CPQ: variants seen among roughly 807,000 people sequenced by gnomAD.
CPQ encodes the protein carboxypeptidase Q.
Under a neutral mutation model 45.7 loss-of-function variants are expected in CPQ, and 37 were observed. The observed-to-expected ratio is 0.81, with a 90% CI of 0.62 to 1.07. CPQ has a LOEUF of 1.07. CPQ is among the 50% of genes least tolerant of loss of function. The pLI, the probability that CPQ is intolerant of heterozygous loss-of-function variation, is 0.00. For synonymous variants in CPQ, 186 were observed against 205.8 expected, an observed-to-expected ratio of 0.90 and a Z score of 0.82; for missense variants, 537 against 572.9, an observed-to-expected ratio of 0.94 and a Z score of 0.64.
chr8:96,852,550 C>T (rs892409736), intron 3 of CPQ, among the ~76,000 whole-genome samples: 1 of 152,180 alleles, frequency 6.6e-6, no homozygotes, highest in Non-Finnish European at 1.5e-5. Context: ...CCATCTCGCC[C>T]TCTTCCTTGC....
At position 96,836,470 on chromosome 8, in the gene CPQ, C is replaced by T. The variant is rs183452203; in HGVS notation, c.641+1290C>T. 5.3e-5 allele frequency among the ~76,000 whole-genome samples: 8 copies of T among 152,206 alleles called. No individual in the cohort carries two copies. The East Asian group carries it at 1.5e-3, about 29-fold the overall frequency. On this transcript the variant is annotated intron_variant, in intron 3 of 7. Transcript: ENST00000220763. Reference sequence around the variant, plus strand: ...ATGTCATAGTGCTAAAAATAATGTTCTTTGCGGGGTCTTTAGAGGTTTCAA... The same window carrying T: ...ATGTCATAGTGCTAAAAATAATGTTTTTTGCGGGGTCTTTAGAGGTTTCAA...
At chr8:96,821,770 C>T (rs1320656379) in intron 2 of CPQ, among the ~76,000 whole-genome samples, 5 of 151,744 alleles carry the variant, frequency 3.3e-5, no homozygotes, top group African/African-American at 4.8e-5. Flanking sequence ...TTGGGTTTTA[C>T]AGTTTTAAAA....
chr8:96,955,014 T>A (rs562975074), intron 4 of CPQ, among the ~76,000 whole-genome samples: 509 of 152,302 alleles, frequency 3.3e-3, no homozygotes, highest in African/African-American at 0.012. Flanking sequence ...ACATTTGGGT[T>A]GGTTCCAAGT....
At position 97,134,308 on chromosome 8, in the gene CPQ, A is replaced by G. The variant is rs576637445; in HGVS notation, c.1256-8712A>G. On this transcript the variant is annotated intron_variant, in intron 7 of 7. Transcript: ENST00000220763. ...CAGACAACAATAATAAAACCATGAT[A>G]ATATTGTTTCAACTGGTAGATAGTG... 9.8e-5 allele frequency among the ~76,000 whole-genome samples: 15 copies of G among 152,370 alleles called. No individual in the cohort carries two copies. In the South Asian group the frequency reaches 2.7e-3, roughly 27 times the overall value.
At chr8:96,835,528 A>C (rs1811518933) in intron 3 of CPQ, among the ~76,000 whole-genome samples, 1 of 152,204 alleles carries the variant, frequency 6.6e-6, no homozygotes, top group South Asian at 2.1e-4. Flanking sequence ...ATGACTTCAG[A>C]GGGAGCCAGC....
intron 4 of CPQ, among the ~76,000 whole-genome samples, chr8:96,940,662 G>A (rs1378096394): frequency 6.6e-6 from 1 of 152,156 alleles, no homozygotes; most frequent in Non-Finnish European, 1.5e-5. Context: ...TTAAGATAAA[G>A]TAGGTTCTAC....
chr8:97,033,462 A>C (rs1048846510), intron 6 of CPQ, among the ~76,000 whole-genome samples: 1 of 152,224 alleles, frequency 6.6e-6, no homozygotes, highest in Non-Finnish European at 1.5e-5. Context: ...CTATAATGAT[A>C]AAAGTCATAA....
intron 6 of CPQ, among the ~76,000 whole-genome samples, chr8:97,057,946 C>T (rs1423562156): frequency 6.6e-6 from 1 of 152,098 alleles, no homozygotes; most frequent in East Asian, 1.9e-4. Flanking sequence ...TATTTTGGTA[C>T]TTTTGTTTTT....
intron 5 of CPQ, among the ~76,000 whole-genome samples, chr8:96,974,183 C>G (rs746079292): frequency 6.6e-6 from 1 of 152,106 alleles, no homozygotes; most frequent in Non-Finnish European, 1.5e-5. Context: ...AAAAGATACT[C>G]CATGCAAATG....
At chr8:97,129,915 T>C (rs1267750799) in intron 7 of CPQ, among the ~76,000 whole-genome samples, 1 of 152,172 alleles carries the variant, frequency 6.6e-6, no homozygotes, top group African/African-American at 2.4e-5. Flanking sequence ...ATAAGATGAA[T>C]GAATATGGTG....
intron 5 of CPQ, among the ~76,000 whole-genome samples, chr8:97,013,834 G>T (rs936271988): frequency 4.6e-5 from 7 of 152,178 alleles, no homozygotes; most frequent in African/African-American, 9.7e-5. Flanking sequence ...AAGTTAGGAA[G>T]TGTGTAGGAA....
rs546598386 is a variant in CPQ at position 96,780,140 on chromosome 8, T to C, written c.-34-4724T>C. ...AGTATAACAATTGAAGGTGCAGTGG[T>C]GAATAATTTACCCTACTTGACTTTG... On this transcript the variant is annotated intron_variant, in intron 1 of 7. Coordinates refer to ENST00000220763, the MANE Select transcript of CPQ (RefSeq NM_016134.4). Among the ~76,000 whole-genome samples, 4 of 152,286 alleles carry C rather than the reference T, an allele frequency of 2.6e-5. No homozygotes were observed. In the East Asian group the frequency reaches 7.7e-4, roughly 29 times the overall value.
rs947361648 is a variant in CPQ, at chr8:97,027,573, A to G, written c.962-1830A>G. The stretch of plus-strand genomic sequence containing the variant: ...TAAATACATATCCCAGTAGTTACAC[A>G]GCTAGTGCCTAATGATAGCAGGATT... On this transcript the variant is annotated intron_variant, in intron 5 of 7. Coordinates refer to ENST00000220763, the MANE Select transcript of CPQ (RefSeq NM_016134.4). Among the ~76,000 whole-genome samples the G allele has an allele frequency of 3.9e-5, 6 of 152,232 alleles. 1 individual carries two copies. Among genetic ancestry groups the G allele is most frequent in the Admixed American group, 3.9e-4 (6 of 15,290 alleles).
At chr8:97,023,131 A>T (rs187968323) in intron 5 of CPQ, among the ~76,000 whole-genome samples, 1 of 149,668 alleles carries the variant, frequency 6.7e-6, no homozygotes, top group East Asian at 1.9e-4. Context: ...TATACTATAT[A>T]TGTTACTCAA....
chr8:97,073,953 T>G (rs1008016037), intron 7 of CPQ, among the ~76,000 whole-genome samples: 2 of 152,232 alleles, frequency 1.3e-5, no homozygotes, highest in African/African-American at 4.8e-5. Flanking sequence ...GAACATCTTA[T>G]AAGCTTCTTC....
intron 4 of CPQ, among the ~76,000 whole-genome samples, chr8:96,919,360 A>G (rs1812778133): frequency 6.6e-6 from 1 of 152,036 alleles, no homozygotes; most frequent in Admixed American, 6.6e-5. Context: ...CATTTTCCCC[A>G]CTAGACAATA....
chr8:96,929,860 G>T (rs1190190948), intron 4 of CPQ, among the ~76,000 whole-genome samples: 1 of 152,142 alleles, frequency 6.6e-6, no homozygotes, highest in Non-Finnish European at 1.5e-5. Context: ...GTAGGCAAAA[G>T]TTTCCTTACA....
At chr8:97,016,326 G>A (rs1364763263) in intron 5 of CPQ, among the ~76,000 whole-genome samples, 4 of 152,150 alleles carry the variant, frequency 2.6e-5, no homozygotes, top group Non-Finnish European at 5.9e-5. Flanking sequence ...CTTGGCTACT[G>A]GGGTGTTTTA....
intron 1 of CPQ, among the ~76,000 whole-genome samples, chr8:96,703,932 G>A (rs1430987500): frequency 2.6e-5 from 4 of 152,256 alleles, no homozygotes; most frequent in South Asian, 2.1e-4. Flanking sequence ...TTTTGAAGAC[G>A]TGCTGGTGAT....
Sources: gnomAD v4.1 joint callset for allele counts (sites outside exome capture counted in the v4.1 genomes callset) on GRCh38, gnomAD v4.1.1 for gene constraint, MANE v1.5 for transcripts, NCBI Gene and HGNC (gene_info 2026-07-23, HGNC 2026-07-21) for gene names.